Variants in SPATA3 observed in about 807,000 individuals in gnomAD.
SPATA3 encodes the protein spermatogenesis associated 3.
In SPATA3, 6 loss-of-function variants were observed where a neutral mutation model predicts 5.7. The ratio of observed to expected loss-of-function variants is 1.06; its 90% confidence interval spans 0.58 to 2.09. The LOEUF (loss-of-function observed/expected upper bound fraction) is 2.09. Ranked by LOEUF, SPATA3 falls within the 30% of genes most tolerant of loss-of-function variation. SPATA3 has a pLI of 0.00. For synonymous variants in SPATA3, 44 were observed against 48.4 expected (o/e 0.91, Z 0.37); for missense variants, 155 against 130.4 (o/e 1.19, Z -0.92).
At chr2:231,017,148 T>C (rs1339311543) in intron 6 of SPATA3, among the ~76,000 whole-genome samples, 1 of 152,230 alleles carries the variant, frequency 6.6e-6, no homozygotes, top group Non-Finnish European at 1.5e-5. Context: ...CGATATTAGT[T>C]AGACCCATTT....
At chr2:231,012,423 C>G (rs1456531275) in intron 4 of SPATA3, among the ~76,000 whole-genome samples, 1 of 152,070 alleles carries the variant, frequency 6.6e-6, no homozygotes, top group Non-Finnish European at 1.5e-5. Flanking sequence ...CTGTTCTGCC[C>G]TTCTCCTGCC....
downstream of SPATA3, among the ~76,000 whole-genome samples, chr2:231,005,316 T>A (rs1205234094): frequency 4.1e-3 from 30 of 7,280 alleles, no homozygotes; most frequent in African/African-American, 0.016. Context: ...ATCACCACCA[T>A]CATCATCACC....
chr2:231,013,898 G>T (rs1439275082), exon 6 of SPATA3: 1 of 150,756 alleles, frequency 6.6e-6, no homozygotes, highest in Non-Finnish European at 1.5e-5. Context: ...ACCCAGGTTG[G>T]AGTGCAGCAG....
chr2:231,014,818 GC>G (rs1217431387), intron 6 of SPATA3, among the ~76,000 whole-genome samples: 2 of 152,224 alleles, frequency 1.3e-5, no homozygotes, highest in Non-Finnish European at 2.9e-5. Flanking sequence ...TCTCAAGGTA[GC>G]CCCCTGGGGT....
intron 1 of SPATA3, chr2:230,996,437 A>G (rs1264880782): frequency 5.8e-6 from 9 of 1,552,356 alleles, no homozygotes; most frequent in Non-Finnish European, 7.0e-6. Flanking sequence ...GGCAGCCAGC[A>G]TTCCAAGCCC....
chr2:231,000,611 G>A (rs1692314648), intron 2 of SPATA3, 74 bp downstream of exon 2: 3 of 1,318,748 alleles, frequency 2.3e-6, no homozygotes, highest in Non-Finnish European at 3.0e-6. Flanking sequence ...GACCTTATTA[G>A]CAATCATGTA....
chr2:231,003,860 C>T (rs961881196), downstream of SPATA3, among the ~76,000 whole-genome samples: 2 of 152,074 alleles, frequency 1.3e-5, no homozygotes, highest in African/African-American at 2.4e-5. Flanking sequence ...TAGAACCTAC[C>T]TTGTAGGGTT....
rs138830585 is a variant in SPATA3 at position 230,998,139 on chromosome 2, G to A, written c.791-2227G>A. On this transcript the variant is annotated intron_variant, in intron 1 of 2. Transcript: ENST00000645363. ...GGATCTGCCATGAGCCAGTGCCCACGACTCCATAGCCTTGAACAGGCCACA... is the reference window on the plus strand; with the variant it reads ...GGATCTGCCATGAGCCAGTGCCCACAACTCCATAGCCTTGAACAGGCCACA... Among the ~76,000 whole-genome samples, 19 of 152,242 alleles carry A rather than the reference G, an allele frequency of 1.2e-4. No individual in the cohort carries two copies. The East Asian group carries it at 1.5e-3, about 12-fold the overall frequency.
chr2:231,009,795 T>C (rs1421219865), downstream of SPATA3, among the ~76,000 whole-genome samples: 1 of 132,920 alleles, frequency 7.5e-6, no homozygotes. Context: ...TCCCAGCACA[T>C]TGCAGACTCA....
chr2:231,000,276 G>A, intron 1 of SPATA3, 90 bp from the exon 2 acceptor site: 5 of 1,197,138 alleles, frequency 4.2e-6, no homozygotes, highest in Non-Finnish European at 5.6e-6. Context: ...CTGCCGTTGT[G>A]GGGGGCCTTC....
intron 1 of SPATA3, chr2:230,996,356 T>C (rs61738380): frequency 3.8e-5 from 22 of 571,854 alleles, no homozygotes; most frequent in Non-Finnish European, 5.3e-5. Flanking sequence ...AGCAGCCTAG[T>C]CCTGAATCCA....
intron 6 of SPATA3, among the ~76,000 whole-genome samples, chr2:231,019,015 G>A (rs1693006024): frequency 7.5e-6 from 1 of 133,256 alleles, no homozygotes; most frequent in Non-Finnish European, 1.5e-5. Flanking sequence ...TGCCCAGGCT[G>A]GAGCGCAGTG....
At position 230,996,510 on chromosome 2, in the gene SPATA3, G is replaced by C. The variant is rs1248996040; in HGVS notation, c.791-3856G>C. 11 of 1,552,024 alleles carry C rather than the reference G, an allele frequency of 7.1e-6. No individual in the cohort carries two copies. The East Asian group carries it at 2.7e-4, about 38-fold the overall frequency. On this transcript the variant is annotated intron_variant, in intron 1 of 2. Coordinates refer to ENST00000645363, the Ensembl canonical transcript of SPATA3. ...TTTATCTCCAGATGCTAACGTGAAG[G>C]CAGCCCCTCAATCCAGGAAAGCAGG... is the stretch of plus-strand genomic sequence containing the variant.
At chr2:230,996,313 C>T (rs1375698169) in intron 1 of SPATA3, 2 of 1,551,200 alleles carry the variant, frequency 1.3e-6, no homozygotes, top group Non-Finnish European at 1.7e-6. Context: ...TCCAATTCCA[C>T]CTCTCAGCAG....
At chr2:231,004,918 C>T (rs1251035154), downstream of SPATA3, among the ~76,000 whole-genome samples, 1 of 151,848 alleles carries the variant, frequency 6.6e-6, no homozygotes, top group Non-Finnish European at 1.5e-5. Flanking sequence ...GCTACATCAC[C>T]ACTACTACCA....
intron 6 of SPATA3, among the ~76,000 whole-genome samples, chr2:231,015,226 C>T (rs898968938): frequency 2.6e-5 from 4 of 151,058 alleles, no homozygotes; most frequent in South Asian, 2.1e-4. Context: ...TATCAGCGCC[C>T]GCCACCACAC....
intron 4 of SPATA3, chr2:231,012,568 C>T (rs1367315162): frequency 1.3e-5 from 2 of 152,154 alleles, no homozygotes; most frequent in African/African-American, 4.8e-5. Flanking sequence ...TCTAATGGGG[C>T]TCCATTCTGT....
intron 2 of SPATA3, among the ~76,000 whole-genome samples, 164 bp from the exon 3 acceptor site, chr2:231,002,520 G>C (rs1559195728): frequency 6.6e-6 from 1 of 152,158 alleles, no homozygotes; most frequent in Non-Finnish European, 1.5e-5. Context: ...GGACTTGTTG[G>C]AAGGATGGGA....
downstream of SPATA3, among the ~76,000 whole-genome samples, chr2:231,006,303 C>T (rs1353035956): frequency 6.6e-6 from 1 of 151,022 alleles, no homozygotes; most frequent in African/African-American, 2.4e-5. Context: ...AGATCAAGAC[C>T]ATCCTGGCCA....
Sources: gnomAD v4.1 joint callset for allele counts (sites outside exome capture counted in the v4.1 genomes callset) on GRCh38, gnomAD v4.1.1 for gene constraint, MANE v1.5 for transcripts, NCBI Gene and HGNC (gene_info 2026-07-23, HGNC 2026-07-21) for gene names.